The following MAPRE2 variants were observed in gnomAD, a reference collection of about 807,000 sequenced individuals.
MAPRE2 encodes the protein microtubule associated protein RP/EB family member 2, also known as microtubule-associated protein RP/EB family member 2.
A neutral mutation model predicts 43.2 loss-of-function variants in MAPRE2; 13 were observed. The ratio of observed to expected loss-of-function variants is 0.30; its 90% CI spans 0.20 to 0.48. The LOEUF (loss-of-function observed/expected upper bound fraction) is 0.48. Among genes scored for constraint, MAPRE2 ranks in the 20% least tolerant of loss-of-function variants. The pLI is 0.99. For missense variants in MAPRE2, 161 were observed against 400.2 expected, an observed-to-expected ratio of 0.40 and a Z score of 5.10; for synonymous variants, 135 against 148.8, an observed-to-expected ratio of 0.91 and a Z score of 0.68.
intron 6 of MAPRE2, among the ~76,000 whole-genome samples, chr18:35,133,117 G>A (rs959806847): frequency 4.6e-5 from 7 of 152,306 alleles, no homozygotes; most frequent in African/African-American, 1.7e-4. Flanking sequence ...ATAGGACATA[G>A]CAAGCCATCA....
At chr18:35,051,076 A>G (rs569810100) in intron 1 of MAPRE2, among the ~76,000 whole-genome samples, 11 of 152,272 alleles carry the variant, frequency 7.2e-5, no homozygotes, top group Non-Finnish European at 1.5e-5. Flanking sequence ...ATGGAGTGTA[A>G]TGGGAAGTGA....
At chr18:35,055,384 G>T (rs550211217) in intron 1 of MAPRE2, among the ~76,000 whole-genome samples, 1 of 152,190 alleles carries the variant, frequency 6.6e-6, no homozygotes, top group South Asian at 2.1e-4. Flanking sequence ...TTTTTACATG[G>T]TCGTCTTTTA....
At chr18:35,009,212 G>T (rs1180432944) in intron 2 of MAPRE2, among the ~76,000 whole-genome samples, 1 of 152,042 alleles carries the variant, frequency 6.6e-6, no homozygotes, top group Non-Finnish European at 1.5e-5. Context: ...AGGTAGAGAT[G>T]ACATCTGAGC....
At chr18:35,126,873 A>G in intron 4 of MAPRE2, 75 bp from the exon 5 acceptor site, 1 of 1,296,084 alleles carries the variant, frequency 7.7e-7, no homozygotes, top group Non-Finnish European at 1.1e-6. Context: ...CTCTTTTCAT[A>G]TCATTCATTT....
intron 1 of MAPRE2, among the ~76,000 whole-genome samples, chr18:34,992,786 A>G (rs990675849): frequency 1.3e-5 from 2 of 152,204 alleles, no homozygotes; most frequent in Non-Finnish European, 2.9e-5. Context: ...ATGCCATTAT[A>G]GCTGTTCAAA....
At chr18:35,057,158 A>T (rs1188001821) in intron 1 of MAPRE2, among the ~76,000 whole-genome samples, 1 of 152,012 alleles carries the variant, frequency 6.6e-6, no homozygotes, top group Non-Finnish European at 1.5e-5. Flanking sequence ...GGGATTACAG[A>T]CACATGCCAA....
At chr18:35,139,742 G>A (rs1308403381) in intron 6 of MAPRE2, among the ~76,000 whole-genome samples, 1 of 152,104 alleles carries the variant, frequency 6.6e-6, no homozygotes, top group Non-Finnish European at 1.5e-5. Context: ...TGGTATCTAA[G>A]CCTACATCAG....
In MAPRE2 at chr18:35,014,811, A is replaced by C. The variant is rs569609603; in HGVS notation, c.-8+9258A>C. On this transcript the variant is annotated intron_variant, in intron 2 of 7. Coordinates refer to the MAPRE2 transcript ENST00000413393. ...TTAAGGGTACTGTGGCCCCAGGGAC[A>C]AGCACTGTGTTGCATATACAAATAC... is the stretch of plus-strand genomic sequence containing the variant. Among the ~76,000 whole-genome samples, 9 of 151,706 alleles carry C rather than the reference A, an allele frequency of 5.9e-5. No individual in the cohort carries two copies. In the South Asian group the frequency reaches 1.9e-3, roughly 32 times the overall value.
chr18:35,136,393 G>A (rs1401855010), intron 6 of MAPRE2, among the ~76,000 whole-genome samples: 2 of 152,180 alleles, frequency 1.3e-5, no homozygotes, highest in Non-Finnish European at 2.9e-5. Flanking sequence ...CCCTACCTCA[G>A]AGGAGCTCCC....
At chr18:35,065,646 C>T (rs1177336080) in intron 1 of MAPRE2, among the ~76,000 whole-genome samples, 4 of 151,976 alleles carry the variant, frequency 2.6e-5, no homozygotes, top group Non-Finnish European at 5.9e-5. Context: ...CTCTGCCTAC[C>T]GGGTTCAAGC....
chr18:35,059,389 A>G (rs896783937), intron 1 of MAPRE2, among the ~76,000 whole-genome samples: 3 of 151,808 alleles, frequency 2.0e-5, no homozygotes, highest in African/African-American at 7.3e-5. Context: ...GTTCCTAGCC[A>G]TCTCACATAG....
intron 4 of MAPRE2, among the ~76,000 whole-genome samples, chr18:35,114,653 T>C (rs1286525248): frequency 1.3e-5 from 2 of 152,150 alleles, no homozygotes; most frequent in Non-Finnish European, 2.9e-5. Flanking sequence ...GCAATTGGCA[T>C]GTATTTGGGC....
intron 1 of MAPRE2, among the ~76,000 whole-genome samples, chr18:34,985,566 T>G (rs1405818693): frequency 2.5e-5 from 2 of 79,930 alleles, no homozygotes; most frequent in African/African-American, 1.0e-4. Flanking sequence ...ATATTATAAA[T>G]ATAATATATA....
chr18:35,020,314 A>G (rs2097041098), intron 2 of MAPRE2, among the ~76,000 whole-genome samples: 2 of 152,066 alleles, frequency 1.3e-5, no homozygotes, highest in African/African-American at 4.8e-5. Context: ...CCTACTTTGG[A>G]TGCTGATGTG....
At chr18:35,038,956 G>T (rs544621280), upstream of MAPRE2, among the ~76,000 whole-genome samples, 27 of 152,238 alleles carry the variant, frequency 1.8e-4, no homozygotes, top group Non-Finnish European at 3.1e-4. Context: ...TAGACCATCA[G>T]CCCAAATTCT....
intron 2 of MAPRE2, among the ~76,000 whole-genome samples, chr18:35,014,333 A>T (rs2097036766): frequency 6.6e-6 from 1 of 151,744 alleles, no homozygotes; most frequent in Non-Finnish European, 1.5e-5. Context: ...ATTGAGATCC[A>T]CTGGGTTTGG....
chr18:35,090,504 G>A (rs952116285), intron 2 of MAPRE2, among the ~76,000 whole-genome samples: 3 of 152,114 alleles, frequency 2.0e-5, no homozygotes, highest in African/African-American at 4.8e-5. Context: ...GTCCAAGGCA[G>A]GAAGATCACC....
chr18:35,132,442 A>G (rs1023688680), intron 6 of MAPRE2, among the ~76,000 whole-genome samples: 1 of 152,236 alleles, frequency 6.6e-6, no homozygotes, highest in Admixed American at 6.5e-5. Context: ...ACAGAAAAAT[A>G]TGCTTATGCA....
At chr18:35,040,992 A>C (rs1905312266), upstream of MAPRE2, among the ~76,000 whole-genome samples, 1 of 152,182 alleles carries the variant, frequency 6.6e-6, no homozygotes, top group South Asian at 2.1e-4. Context: ...GGTCCTTTTT[A>C]GGTTTTTCTG....
Sources: allele counts gnomAD v4.1 joint callset (sites outside exome capture counted in the v4.1 genomes callset), GRCh38; gene constraint gnomAD v4.1.1; transcripts MANE v1.5; gene names NCBI Gene and HGNC (gene_info 2026-07-23, HGNC 2026-07-21).